The following DRICH1 variants were observed in gnomAD, a reference collection of about 807,000 sequenced individuals.
The protein encoded by DRICH1 is aspartate-rich protein 1.
Under a neutral mutation model 39.5 loss-of-function variants are expected in DRICH1, and 38 were observed. That is an observed-to-expected ratio of 0.96 (90% confidence interval 0.74 to 1.26). DRICH1 has a LOEUF of 1.26. Among genes scored for constraint, DRICH1 ranks in the 50% most tolerant of loss-of-function variants. The probability of loss-of-function intolerance (pLI) is 0.00; values close to 1 mark genes in which losing one functional copy is unlikely to be tolerated. For synonymous variants in DRICH1, 84 were observed against 99.5 expected (o/e 0.84, Z 0.93); for missense variants, 279 against 270.4 (o/e 1.03, Z -0.22).
chr22:23,622,262 A>G, intron 3 of DRICH1, 86 bp from the exon 4 acceptor site: 4 of 1,216,372 alleles, frequency 3.3e-6, no homozygotes, highest in Non-Finnish European at 4.9e-6. Flanking sequence ...TGGTGTATGG[A>G]GGTGGTTGAT....
the DRICH1 span, among the ~76,000 whole-genome samples, chr22:23,591,313 G>C: frequency 5.9e-5 from 9 of 152,048 alleles, no homozygotes; most frequent in African/African-American, 2.2e-4. Flanking sequence ...TCCCGCTGCA[G>C]GTCACACACT....
At chr22:23,599,886 C>T in the DRICH1 span, among the ~76,000 whole-genome samples, 2 of 152,174 alleles carry the variant, frequency 1.3e-5, no homozygotes, top group African/African-American at 4.8e-5. Flanking sequence ...TGCCACAGCC[C>T]CCTTCTCCCA....
the DRICH1 span, among the ~76,000 whole-genome samples, chr22:23,603,382 C>G: frequency 6.6e-6 from 1 of 151,896 alleles, no homozygotes; most frequent in Non-Finnish European, 1.5e-5. Flanking sequence ...CCTCCAGGTT[C>G]CTCACCTCCC....
At chr22:23,618,928 C>T (rs1474272452) in intron 6 of DRICH1, among the ~76,000 whole-genome samples, 2 of 152,012 alleles carry the variant, frequency 1.3e-5, no homozygotes, top group African/African-American at 4.8e-5. Flanking sequence ...AATCCCAGCA[C>T]TTTGGGAGGC....
At chr22:23,593,879 G>A in the DRICH1 span, among the ~76,000 whole-genome samples, 1 of 151,752 alleles carries the variant, frequency 6.6e-6, no homozygotes, top group African/African-American at 2.4e-5. Context: ...TCTGGAGGCT[G>A]AAGGAGGAGA....
chr22:23,598,030 G>C, the DRICH1 span, among the ~76,000 whole-genome samples: 1 of 150,798 alleles, frequency 6.6e-6, no homozygotes, highest in Non-Finnish European at 1.5e-5. Context: ...ACCTTAGCCT[G>C]GGGATTCCCA....
At chr22:23,625,901 C>T in intron 2 of DRICH1, 80 bp downstream of exon 2, 1 of 1,147,902 alleles carries the variant, frequency 8.7e-7, no homozygotes, top group Admixed American at 1.8e-5. Context: ...TGAGTCCATT[C>T]TTTGGGTTTA....
chr22:23,588,456 A>G, the DRICH1 span, among the ~76,000 whole-genome samples: 1 of 152,312 alleles, frequency 6.6e-6, no homozygotes, highest in East Asian at 1.9e-4. Flanking sequence ...CAAGTTGGGA[A>G]GGCGCTCAGT....
At chr22:23,596,788 T>C in the DRICH1 span, among the ~76,000 whole-genome samples, 6 of 152,260 alleles carry the variant, frequency 3.9e-5, no homozygotes, top group Admixed American at 3.9e-4. Context: ...TAATACATGG[T>C]ATATTCCAGA....
chr22:23,623,560 T>G (rs146391518), intron 3 of DRICH1, among the ~76,000 whole-genome samples: 1,858 of 152,314 alleles, frequency 0.012, 42 homozygotes, highest in African/African-American at 0.041. Flanking sequence ...AGACTGAGCC[T>G]GACTAACACA....
Position 23,632,041 on chromosome 22 carries a change from C to T in DRICH1, c.-18G>A. On this transcript the variant is annotated 5_prime_UTR_variant, in exon 1 of 12. Transcript: ENST00000317749. ...TTCCCCATGGGGCCTCTCCATGCCT[C>T]TCCACTCCTGCCTCAGCCTTCAGCG... 6.2e-7 allele frequency: 1 copy of T among 1,612,038 alleles called. No homozygotes were observed. Among genetic ancestry groups the T allele is most frequent in the Non-Finnish European group, 8.5e-7 (1 of 1,179,546 alleles).
chr22:23,612,811 A>C (rs1927119784), intron 11 of DRICH1, among the ~76,000 whole-genome samples: 1 of 152,168 alleles, frequency 6.6e-6, no homozygotes, highest in African/African-American at 2.4e-5. Context: ...TGAGGACAGA[A>C]ACATGAATGT....
At chr22:23,600,064 A>T in the DRICH1 span, among the ~76,000 whole-genome samples, 1 of 152,138 alleles carries the variant, frequency 6.6e-6, no homozygotes, top group African/African-American at 2.4e-5. Context: ...ATATGGATGG[A>T]CAGACTGATG....
At chr22:23,582,992 A>G in the DRICH1 span, 5 of 152,242 alleles carry the variant, frequency 3.3e-5, no homozygotes, top group Non-Finnish European at 7.3e-5. Context: ...TTTGCACTGC[A>G]ACTCAGAGGG....
downstream of DRICH1, among the ~76,000 whole-genome samples, chr22:23,605,849 G>A (rs1167773682): frequency 6.6e-6 from 1 of 152,116 alleles, no homozygotes; most frequent in Non-Finnish European, 1.5e-5. Context: ...GGGAGGCCGG[G>A]GTGGGTGGAT....
downstream of DRICH1, among the ~76,000 whole-genome samples, chr22:23,604,436 C>T (rs531437853): frequency 1.5e-4 from 23 of 152,280 alleles, no homozygotes; most frequent in African/African-American, 4.6e-4. Context: ...TCACCTCACA[C>T]GACACCCTCA....
intron 3 of DRICH1, among the ~76,000 whole-genome samples, chr22:23,623,064 A>T (rs1020116361): frequency 3.3e-5 from 5 of 152,156 alleles, no homozygotes; most frequent in Admixed American, 6.5e-5. Flanking sequence ...GCTTACATAA[A>T]TTTTTTTTGT....
intron 3 of DRICH1, among the ~76,000 whole-genome samples, chr22:23,622,489 T>C (rs1251157203): frequency 6.6e-6 from 1 of 152,128 alleles, no homozygotes; most frequent in Non-Finnish European, 1.5e-5. Flanking sequence ...TTGAAACTCT[T>C]CAAAACCAAC....
At chr22:23,614,602 T>C (rs1927243841) in intron 8 of DRICH1, among the ~76,000 whole-genome samples, 1 of 152,232 alleles carries the variant, frequency 6.6e-6, no homozygotes, top group African/African-American at 2.4e-5. Flanking sequence ...TGATACTACA[T>C]TTAGCATCTC....
Sources: gnomAD v4.1 joint callset for allele counts (sites outside exome capture counted in the v4.1 genomes callset) on GRCh38, gnomAD v4.1.1 for gene constraint, MANE v1.5 for transcripts, NCBI Gene and HGNC (gene_info 2026-07-23, HGNC 2026-07-21) for gene names.